The following UGT3A1 variants were observed in gnomAD, a reference collection of about 807,000 sequenced individuals.
The protein encoded by UGT3A1 is UDP-glycosyltransferase 3A1.
Under a neutral mutation model 37.6 loss-of-function variants are expected in UGT3A1, and 40 were observed. The observed-to-expected ratio is 1.06, with a 90% CI of 0.83 to 1.38. The LOEUF is 1.38. Ranked by LOEUF, UGT3A1 falls within the 40% of genes most tolerant of loss-of-function variation. The probability of loss-of-function intolerance (pLI) is 0.00; values close to 1 mark genes in which losing one functional copy is unlikely to be tolerated. For synonymous variants in UGT3A1, 256 were observed against 232.3 expected, an observed-to-expected ratio of 1.10 and a Z score of -0.93; for missense variants, 642 against 634.2, an observed-to-expected ratio of 1.01 and a Z score of -0.13.
intron 6 of UGT3A1, 132 bp downstream of exon 6, chr5:35,955,513 G>A (rs914613280): frequency 9.6e-7 from 1 of 1,041,836 alleles, no homozygotes; most frequent in Non-Finnish European, 1.4e-6. Flanking sequence ...CAGGTGGGCT[G>A]TTAGCATCAC....
At chr5:35,988,955 A>G (rs1487904995) in intron 1 of UGT3A1, among the ~76,000 whole-genome samples, 1 of 152,236 alleles carries the variant, frequency 6.6e-6, no homozygotes, top group Non-Finnish European at 1.5e-5. Flanking sequence ...ACAGCACAGT[A>G]GTGTGTACAT....
intron 2 of UGT3A1, among the ~76,000 whole-genome samples, chr5:35,977,975 T>C (rs6895188): frequency 0.19 from 28,947 of 152,204 alleles, 3,216 homozygotes; most frequent in East Asian, 0.45. Context: ...CCTAATTATG[T>C]TGATGGATTC....
intron 6 of UGT3A1, chr5:35,955,291 G>A (rs900357292): frequency 1.3e-5 from 6 of 456,138 alleles, no homozygotes; most frequent in African/African-American, 5.8e-5. Context: ...CAGCACAGAC[G>A]AAGAAGCCAG....
upstream of UGT3A1, among the ~76,000 whole-genome samples, chr5:35,994,341 G>T (rs1463816157): frequency 6.9e-6 from 1 of 143,952 alleles, no homozygotes; most frequent in Non-Finnish European, 1.5e-5. Flanking sequence ...GTTTGTGTGT[G>T]TGTGTGTGTG....
At position 35,991,287 on chromosome 5, in the gene UGT3A1, T is replaced by C. The variant is rs1481834946; in HGVS notation, c.-47A>G. The C allele has an allele frequency of 1.3e-5, 21 of 1,611,930 alleles. No individual in the cohort carries two copies. The highest frequency in any genetic ancestry group is 1.7e-5 in the Non-Finnish European group (20 of 1,178,804). ...GGATCTCAGCCTGGGCTGCGCGCCC[T>C]GCGCCGGGCTAAGGACTCTGTGCGC... On this transcript the variant is annotated 5_prime_UTR_variant, in exon 1 of 7. Coordinates refer to ENST00000274278, the MANE Select transcript of UGT3A1 (RefSeq NM_152404.4).
At chr5:35,966,112 C>G (rs141998512) in intron 3 of UGT3A1, among the ~76,000 whole-genome samples, 195 bp from the exon 4 acceptor site, 4 of 152,158 alleles carry the variant, frequency 2.6e-5, no homozygotes, top group African/African-American at 9.7e-5. Flanking sequence ...TCTAAAATGT[C>G]CCCACTTGCT....
At chr5:35,957,103 C>G (rs1158704960) in intron 5 of UGT3A1, 85 bp downstream of exon 5, 1 of 1,178,724 alleles carries the variant, frequency 8.5e-7, no homozygotes, top group Non-Finnish European at 1.2e-6. Context: ...TAGGCTGATA[C>G]AAATGCCCAG....
chr5:35,994,333 T>TTTGTTTGTGTG (rs1368444490), upstream of UGT3A1, among the ~76,000 whole-genome samples: 242 of 138,630 alleles, frequency 1.7e-3, 4 homozygotes, highest in Admixed American at 0.012. Flanking sequence ...TTTGTTTTGT[T>TTTGTTTGTGTG]TGTGTGTGTG....
Position 35,951,293 on chromosome 5 carries a change from A to G in UGT3A1, c.*2909T>C, listed in dbSNP as rs1739196029. 1 of 152,156 alleles carries G rather than the reference A, an allele frequency of 6.6e-6. No individual in the cohort carries two copies. Among genetic ancestry groups the G allele is most frequent in the African/African-American group, 2.4e-5 (1 of 41,454 alleles). 9.4% of individuals were successfully genotyped at this position (152,156 alleles called of 1,614,324 possible). On this transcript the variant is annotated 3_prime_UTR_variant, in exon 7 of 7. Coordinates refer to ENST00000274278, the MANE Select transcript of UGT3A1 (RefSeq NM_152404.4). ...TCCACCCTATTCAAACACCACCCTCATAGATAATCTATCACACTCTGGTTT... is the reference window on the plus strand; with the variant it reads ...TCCACCCTATTCAAACACCACCCTCGTAGATAATCTATCACACTCTGGTTT...
chr5:35,978,646 A>G (rs1398722324), intron 2 of UGT3A1, among the ~76,000 whole-genome samples: 3 of 152,150 alleles, frequency 2.0e-5, no homozygotes, highest in Admixed American at 1.3e-4. Flanking sequence ...AAAGTGCAAG[A>G]TGAGATTTGG....
At chr5:35,956,262 G>A (rs1739353144) in intron 5 of UGT3A1, among the ~76,000 whole-genome samples, 1 of 152,188 alleles carries the variant, frequency 6.6e-6, no homozygotes. Flanking sequence ...TGAAAGCAAG[G>A]AATAATAAAC....
chr5:35,999,620 T>C (rs1279988354), intron 1 of UGT3A1, among the ~76,000 whole-genome samples: 1 of 152,178 alleles, frequency 6.6e-6, no homozygotes, highest in African/African-American at 2.4e-5. Context: ...ATCAAACCCA[T>C]TGGAATCCAG....
intron 3 of UGT3A1, among the ~76,000 whole-genome samples, chr5:35,967,195 T>G (rs1168804357): frequency 6.6e-6 from 1 of 152,144 alleles, no homozygotes; most frequent in African/African-American, 2.4e-5. Flanking sequence ...CAAGATGCCA[T>G]AGACTAAGTA....
chr5:35,994,315 T>G (rs1165128684), upstream of UGT3A1, among the ~76,000 whole-genome samples: 3 of 145,478 alleles, frequency 2.1e-5, no homozygotes, highest in Admixed American at 7.3e-5. Flanking sequence ...TTTCTAGTTT[T>G]GTTTTGTTTT....
chr5:35,978,647 T>G (rs1482491744), intron 2 of UGT3A1, among the ~76,000 whole-genome samples: 1 of 152,144 alleles, frequency 6.6e-6, no homozygotes. Context: ...AAGTGCAAGA[T>G]GAGATTTGGG....
chr5:35,959,115 T>C (rs867359200), intron 4 of UGT3A1, among the ~76,000 whole-genome samples: 35 of 152,144 alleles, frequency 2.3e-4, no homozygotes, highest in Middle Eastern at 6.8e-3. Context: ...ACAGAGGGAA[T>C]TGGAGGAAGA....
At chr5:35,958,376 T>A (rs1159598798) in intron 4 of UGT3A1, among the ~76,000 whole-genome samples, 1 of 152,216 alleles carries the variant, frequency 6.6e-6, no homozygotes, top group Non-Finnish European at 1.5e-5. Context: ...AGCATTTTTG[T>A]GACTGTCTCT....
chr5:35,965,337 C>CCAACTATGCA, intron 4 of UGT3A1, 49 bp downstream of exon 4: 1 of 1,585,254 alleles, frequency 6.3e-7, no homozygotes, highest in East Asian at 2.2e-5. Flanking sequence ...CAACTATGCA[C>CCAACTATGCA]CCAAGGACTC....
chr5:35,975,742 C>T (rs368919002), intron 2 of UGT3A1, among the ~76,000 whole-genome samples: 44 of 151,926 alleles, frequency 2.9e-4, no homozygotes, highest in African/African-American at 1.0e-3. Context: ...ATGTGCACAA[C>T]GTGCAGGTTT....
Sources: gnomAD v4.1 joint callset for allele counts (sites outside exome capture counted in the v4.1 genomes callset) on GRCh38, gnomAD v4.1.1 for gene constraint, MANE v1.5 for transcripts, NCBI Gene and HGNC (gene_info 2026-07-23, HGNC 2026-07-21) for gene names.